POC1B: variants seen among roughly 807,000 people sequenced by gnomAD.
POC1B encodes the protein POC1 centriolar protein homolog B.
In POC1B, 44 loss-of-function variants were observed where a neutral mutation model predicts 60.6. The ratio of observed to expected loss-of-function variants is 0.73; its 90% confidence interval spans 0.57 to 0.93. The LOEUF is 0.93. POC1B is among the 40% of genes least tolerant of loss of function. POC1B has a pLI of 0.00. For synonymous variants in POC1B, 180 were observed against 198.9 expected (o/e 0.90, Z 0.80); for missense variants, 555 against 572.3 (o/e 0.97, Z 0.31).
chr12:89,513,743 G>A (rs778457782), intron 2 of POC1B, among the ~76,000 whole-genome samples: 10 of 152,068 alleles, frequency 6.6e-5, no homozygotes, highest in East Asian at 1.9e-4. Flanking sequence ...GGAGGTGAGC[G>A]GCAGGCAAGC....
intron 4 of POC1B, among the ~76,000 whole-genome samples, chr12:89,478,000 C>T (rs1883182585): frequency 6.6e-6 from 1 of 152,182 alleles, no homozygotes; most frequent in South Asian, 2.1e-4. Flanking sequence ...AATGTCACTT[C>T]CTCAGGAACG....
chr12:89,456,007 TTG>T (rs1052251530), intron 10 of POC1B, among the ~76,000 whole-genome samples: 3 of 26,492 alleles, frequency 1.1e-4, no homozygotes, highest in African/African-American at 3.4e-4. Context: ...AAACTCTTTT[TTG>T]TTGTTGTTGT....
At chr12:89,516,759 G>T (rs1220758311) in intron 2 of POC1B, among the ~76,000 whole-genome samples, 1 of 152,082 alleles carries the variant, frequency 6.6e-6, no homozygotes. Flanking sequence ...CTCTCCAAAG[G>T]CTCTAGGGGA....
At position 89,458,248 on chromosome 12, in the gene POC1B, A is replaced by T. The variant is rs1240556294; in HGVS notation, c.1113+1390T>A. Among the ~76,000 whole-genome samples, 8 of 152,200 alleles carry T rather than the reference A, an allele frequency of 5.3e-5. No individual in the cohort carries two copies. In the East Asian group the frequency reaches 1.5e-3, roughly 29 times the overall value. On this transcript the variant is annotated intron_variant, in intron 10 of 11. Coordinates refer to ENST00000313546, the MANE Select transcript of POC1B (RefSeq NM_172240.3). Reference sequence around the variant, plus strand: ...ACAGGGGGAAAACCTAACTCATCAGATTTTGTAAATTTCTACAACATGCAT... The same window carrying T: ...ACAGGGGGAAAACCTAACTCATCAGTTTTTGTAAATTTCTACAACATGCAT...
chr12:89,521,962 G>T (rs1469248141), intron 2 of POC1B: 3 of 398,770 alleles, frequency 7.5e-6, no homozygotes, highest in Non-Finnish European at 1.3e-5. Context: ...TACTTTAAAT[G>T]ATTAAGCATT....
the POC1B span, among the ~76,000 whole-genome samples, chr12:89,401,767 T>C: frequency 6.6e-6 from 1 of 152,252 alleles, no homozygotes; most frequent in African/African-American, 2.4e-5. Flanking sequence ...TGTGTCATTA[T>C]GACACTTGCA....
the POC1B span, among the ~76,000 whole-genome samples, chr12:89,408,779 G>A: frequency 2.6e-4 from 39 of 152,254 alleles, no homozygotes; most frequent in South Asian, 1.0e-3. Flanking sequence ...GAGCCACCGC[G>A]CCTGGCCTGT....
the POC1B span, among the ~76,000 whole-genome samples, chr12:89,406,786 G>A: frequency 1.3e-5 from 2 of 151,720 alleles, no homozygotes; most frequent in African/African-American, 2.4e-5. Flanking sequence ...TGCCCGATAC[G>A]TAATAATATA....
chr12:89,469,958 C>A (rs1466996642), intron 7 of POC1B, among the ~76,000 whole-genome samples: 2 of 152,056 alleles, frequency 1.3e-5, no homozygotes, highest in Admixed American at 1.3e-4. Context: ...GCCTCCCCCT[C>A]CTGGGTTCAA....
chr12:89,487,635 G>A (rs755588168), intron 4 of POC1B, among the ~76,000 whole-genome samples: 2 of 152,172 alleles, frequency 1.3e-5, no homozygotes, highest in Admixed American at 6.5e-5. Flanking sequence ...GGATAGTTTT[G>A]TCCCATATGC....
intron 2 of POC1B, chr12:89,501,868 CA>C: frequency 8.4e-7 from 1 of 1,196,862 alleles, no homozygotes; most frequent in Non-Finnish European, 1.2e-6. Context: ...TAAAGACAGC[CA>C]AAGAGTACAG....
At chr12:89,497,128 T>C (rs1869289344) in intron 3 of POC1B, 43 bp downstream of exon 3, 2 of 1,581,012 alleles carry the variant, frequency 1.3e-6, no homozygotes, top group Non-Finnish European at 1.7e-6. Flanking sequence ...TCTTTCACAT[T>C]TCCAAATCCA....
At chr12:89,404,314 C>T in the POC1B span, among the ~76,000 whole-genome samples, 2 of 152,078 alleles carry the variant, frequency 1.3e-5, no homozygotes, top group Non-Finnish European at 2.9e-5. Context: ...GTGTTTCCAC[C>T]ATCCTGGTCC....
chr12:89,467,415 G>T (rs1883522316), intron 8 of POC1B, among the ~76,000 whole-genome samples: 1 of 152,148 alleles, frequency 6.6e-6, no homozygotes, highest in Non-Finnish European at 1.5e-5. Flanking sequence ...ATGAGCAAAA[G>T]AAAATAACTA....
At chr12:89,474,365 T>C (rs1011914649) in intron 4 of POC1B, among the ~76,000 whole-genome samples, 3 of 152,310 alleles carry the variant, frequency 2.0e-5, no homozygotes, top group South Asian at 4.1e-4. Flanking sequence ...AAAGCAATTA[T>C]GGAGAAAAAT....
Position 89,501,557 on chromosome 12 carries a change from A to C in POC1B, c.101-4215T>G, listed in dbSNP as rs1018610905. Reference sequence around the variant, plus strand: ...CAGATGCCACCTGTGGGAAGCAAGAAAAGTAGCACTAGAAAAGATAAGGAA... The same window carrying C: ...CAGATGCCACCTGTGGGAAGCAAGACAAGTAGCACTAGAAAAGATAAGGAA... On this transcript the variant is annotated intron_variant, in intron 2 of 11. Transcript: ENST00000313546. The C allele has an allele frequency of 1.1e-5, 15 of 1,314,580 alleles. No homozygotes were observed. The African/African-American group carries it at 1.6e-4, about 14-fold the overall frequency. The allele number at this position is 1,314,580 out of a possible 1,614,324, so 81.4% of individuals were successfully genotyped here.
chr12:89,476,711 TAGA>T (rs1883119665), intron 4 of POC1B, among the ~76,000 whole-genome samples: 1 of 93,678 alleles, frequency 1.1e-5, no homozygotes, highest in African/African-American at 3.9e-5. Flanking sequence ...GATAGATAGA[TAGA>T]TAGATAGATA....
chr12:89,518,373 T>TGC (rs1471771890), intron 2 of POC1B, among the ~76,000 whole-genome samples: 1 of 152,218 alleles, frequency 6.6e-6, no homozygotes, highest in African/African-American at 2.4e-5. Flanking sequence ...GATTCAAGTA[T>TGC]TATTAATACT....
At chr12:89,415,777 G>A (rs535995292), downstream of POC1B, among the ~76,000 whole-genome samples, 26 of 152,290 alleles carry the variant, frequency 1.7e-4, no homozygotes, top group South Asian at 5.4e-3. Context: ...TTATGGTTAA[G>A]GAAACTAAGC....
Sources: allele counts gnomAD v4.1 joint callset (sites outside exome capture counted in the v4.1 genomes callset), GRCh38; gene constraint gnomAD v4.1.1; transcripts MANE v1.5; gene names NCBI Gene and HGNC (gene_info 2026-07-23, HGNC 2026-07-21).